The following OSBPL10 variants were observed in gnomAD, a reference collection of about 807,000 sequenced individuals.
The protein encoded by OSBPL10 is oxysterol-binding protein-related protein 10.
A neutral mutation model predicts 81.7 loss-of-function variants in OSBPL10; 49 were observed. The ratio of observed to expected loss-of-function variants is 0.60; its 90% confidence interval spans 0.48 to 0.76. OSBPL10 has a LOEUF of 0.76. Among genes scored for constraint, OSBPL10 ranks in the 30% least tolerant of loss-of-function variants. The probability of loss-of-function intolerance (pLI) is 0.00; values close to 1 mark genes in which losing one functional copy is unlikely to be tolerated. For synonymous variants in OSBPL10, 419 were observed against 383.6 expected (o/e 1.09, Z -1.08); for missense variants, 923 against 987.8 (o/e 0.93, Z 0.88).
At chr3:31,720,303 A>G (rs1696593795) in intron 6 of OSBPL10, among the ~76,000 whole-genome samples, 1 of 152,158 alleles carries the variant, frequency 6.6e-6, no homozygotes, top group South Asian at 2.1e-4. Context: ...ATGAGACATC[A>G]TAGTTTCATG....
chr3:31,854,647 G>C (rs1385805161), intron 3 of OSBPL10, among the ~76,000 whole-genome samples: 1 of 151,996 alleles, frequency 6.6e-6, no homozygotes, highest in Non-Finnish European at 1.5e-5. Context: ...AAGTTGAAAA[G>C]AAAACCCACC....
chr3:32,051,430 A>T (rs72858424), intron 1 of OSBPL10, among the ~76,000 whole-genome samples: 2,127 of 151,734 alleles, frequency 0.014, 60 homozygotes, highest in African/African-American at 0.048. Flanking sequence ...GGGATAGCTA[A>T]TGGCAGTTAT....
chr3:31,681,539 T>C (rs745758473), intron 8 of OSBPL10, among the ~76,000 whole-genome samples: 3 of 152,212 alleles, frequency 2.0e-5, no homozygotes, highest in Non-Finnish European at 4.4e-5. Context: ...AGGTGACGAA[T>C]GACCTCCATG....
chr3:31,924,409 G>A (rs965299585), intron 1 of OSBPL10, among the ~76,000 whole-genome samples: 1 of 152,054 alleles, frequency 6.6e-6, no homozygotes, highest in East Asian at 1.9e-4. Context: ...CACCTTCCTT[G>A]TGAGGTATCA....
chr3:31,953,445 G>A (rs1697924552), intron 1 of OSBPL10, among the ~76,000 whole-genome samples: 1 of 151,852 alleles, frequency 6.6e-6, no homozygotes. Context: ...GTTGAGGACA[G>A]GGTCTAGACT....
At chr3:31,726,819 T>C (rs1408216767) in intron 6 of OSBPL10, among the ~76,000 whole-genome samples, 1 of 150,054 alleles carries the variant, frequency 6.7e-6, no homozygotes, top group East Asian at 1.9e-4. Context: ...CCAGAATTCT[T>C]TTGTGCAAAA....
chr3:31,927,066 G>A (rs571107217), intron 1 of OSBPL10, among the ~76,000 whole-genome samples: 2 of 152,120 alleles, frequency 1.3e-5, no homozygotes, highest in Non-Finnish European at 2.9e-5. Context: ...AGCCAAGATC[G>A]TGTCACTGCA....
chr3:31,857,232 A>G lies in OSBPL10; in HGVS notation c.537+19201T>C, dbSNP rs1439184479. Among the ~76,000 whole-genome samples the G allele has an allele frequency of 9.9e-5, 15 of 152,218 alleles. No homozygotes were observed. The East Asian group carries it at 2.9e-3, about 29-fold the overall frequency. On this transcript the variant is annotated intron_variant, in intron 3 of 11. Coordinates refer to ENST00000396556, the MANE Select transcript of OSBPL10 (RefSeq NM_017784.5). ...GTTTTGTCAAGGAAGAGGCCACTCA[A>G]CAGAGACTATTAATCACTATTTAAT...
chr3:31,956,441 G>A lies in OSBPL10; in HGVS notation c.281+24458C>T, dbSNP rs139221473. Among the ~76,000 whole-genome samples the A allele has an allele frequency of 9.1e-3, 1,389 of 152,320 alleles. 10 individuals are homozygous for A. Among genetic ancestry groups the A allele is most frequent in the Non-Finnish European group, 0.014 (942 of 68,028 alleles). On this transcript the variant is annotated intron_variant, in intron 1 of 11. Transcript: ENST00000396556. ...ACATAAAAATGATGGCCTTTTGGCC[G>A]GGCATGGTGGCTCACCCCTGTAATC... is the stretch of plus-strand genomic sequence containing the variant.
intron 4 of OSBPL10, among the ~76,000 whole-genome samples, chr3:31,808,201 G>A (rs1366415075): frequency 3.9e-5 from 6 of 152,120 alleles, no homozygotes; most frequent in African/African-American, 7.2e-5. Flanking sequence ...TTTTACTCCT[G>A]TCATCCCAGC....
chr3:31,665,340 C>T (rs1200160229), intron 10 of OSBPL10, among the ~76,000 whole-genome samples: 1 of 152,186 alleles, frequency 6.6e-6, no homozygotes, highest in Non-Finnish European at 1.5e-5. Flanking sequence ...AGATTCCCTC[C>T]CTGGCTTCTA....
Position 31,981,138 on chromosome 3 carries a change from G to T in OSBPL10, c.42C>A (p.Ser14Arg), listed in dbSNP as rs960682157. ...GGCTGCTGCTGCGGCTGCTGCTGTT[G>T]CTACCCCCGCCGCCGTCTGTGCCCT... The part of the protein sequence containing the change: ...AVQGTDGGGG[S>R]NSSSRSSSRA... The change falls in exon 1 of 12, where the codon AGC becomes AGA. Residue 14 changes from serine (S) to arginine (R), a missense_variant. Physicochemically the swap from Ser to Arg is moderately radical, Grantham distance 110. Transcript: ENST00000396556. This position sits in a 1 kb window ranked among gnomAD's most constrained non-coding sequence, Gnocchi z 4.5. 3.1e-5 allele frequency: 46 copies of T among 1,491,190 alleles called. No individual in the cohort carries two copies. Among genetic ancestry groups the T allele is most frequent in the Non-Finnish European group, 4.1e-5 (46 of 1,125,600 alleles). 92.4% of individuals were successfully genotyped at this position (1,491,190 alleles called of 1,614,324 possible).
At chr3:31,756,696 A>G (rs1282250515) in intron 4 of OSBPL10, among the ~76,000 whole-genome samples, 1 of 152,240 alleles carries the variant, frequency 6.6e-6, no homozygotes, top group Non-Finnish European at 1.5e-5. Flanking sequence ...GGATGAAACA[A>G]TATTGGCTTT....
chr3:32,042,080 T>C (rs1201864334), intron 2 of OSBPL10, among the ~76,000 whole-genome samples: 1 of 152,134 alleles, frequency 6.6e-6, no homozygotes, highest in African/African-American at 2.4e-5. Flanking sequence ...TTACCTGCTA[T>C]GAGGAAGGCC....
Position 31,906,320 on chromosome 3 carries a change from T to C in OSBPL10, c.282-26490A>G, listed in dbSNP as rs151053284. Among the ~76,000 whole-genome samples the C allele has an allele frequency of 4.5e-3, 689 of 152,310 alleles. 10 individuals carry two copies. The highest frequency in any genetic ancestry group is 0.034 in the South Asian group (164 of 4,824). On this transcript the variant is annotated intron_variant, in intron 1 of 11. Coordinates refer to ENST00000396556, the MANE Select transcript of OSBPL10 (RefSeq NM_017784.5). ...GGCCTCCTACTGTTATTATCAATAA[T>C]ATTATGAGTATCTCTGCCAATTAAA...
chr3:31,895,133 C>CTTTTTT (rs1559508699), intron 1 of OSBPL10, among the ~76,000 whole-genome samples: 2 of 117,856 alleles, frequency 1.7e-5, no homozygotes, highest in African/African-American at 7.5e-5. Context: ...TTCTCTGCGG[C>CTTTTTT]CTTTTTTTTT....
At chr3:31,669,857 C>T (rs1294208014) in intron 9 of OSBPL10, among the ~76,000 whole-genome samples, 1 of 152,168 alleles carries the variant, frequency 6.6e-6, no homozygotes, top group African/African-American at 2.4e-5. Flanking sequence ...TCTCCTTGAG[C>T]CTAAAAACAG....
chr3:31,915,272 C>T (rs1230027114), intron 1 of OSBPL10, among the ~76,000 whole-genome samples: 3 of 151,952 alleles, frequency 2.0e-5, no homozygotes, highest in East Asian at 1.9e-4. Context: ...CCTTCCACTT[C>T]GCCTCCCAAC....
intron 9 of OSBPL10, 133 bp downstream of exon 9, chr3:31,670,662 CTT>C (rs1357955682): frequency 9.5e-7 from 1 of 1,054,398 alleles, no homozygotes; most frequent in African/African-American, 1.6e-5. Flanking sequence ...AAAGGCATCT[CTT>C]TTGGAAAAGA....
Sources: allele counts gnomAD v4.1 joint callset (sites outside exome capture counted in the v4.1 genomes callset), GRCh38; gene constraint gnomAD v4.1.1; non-coding constraint Gnocchi (gnomAD v3.1); transcripts MANE v1.5; gene names NCBI Gene and HGNC (gene_info 2026-07-23, HGNC 2026-07-21).